The following DPYSL3 variants were observed in gnomAD, a reference collection of about 807,000 sequenced individuals.
DPYSL3 encodes dihydropyrimidinase-related protein 3.
In DPYSL3, 16 loss-of-function variants were observed where a neutral mutation model predicts 66.1. The observed-to-expected ratio is 0.24, with a 90% CI of 0.16 to 0.37. DPYSL3 has a LOEUF of 0.37. DPYSL3 is among the 10% of genes least tolerant of loss of function. DPYSL3 has a pLI of 1.00. For missense variants in DPYSL3, 738 were observed against 916.2 expected, an observed-to-expected ratio of 0.81 and a Z score of 2.51; for synonymous variants, 338 against 345.1, an observed-to-expected ratio of 0.98 and a Z score of 0.23.
At chr5:147,406,216 G>A (rs59174727) in intron 7 of DPYSL3, 3,073 of 152,512 alleles carry the variant, frequency 0.02, 100 homozygotes, top group African/African-American at 0.07. Flanking sequence ...CATTTCTTAC[G>A]AAAATAATTC....
chr5:147,496,505 C>G (rs1192593861), intron 1 of DPYSL3, among the ~76,000 whole-genome samples: 5 of 151,814 alleles, frequency 3.3e-5, no homozygotes, highest in Non-Finnish European at 7.4e-5. Context: ...ACTCATCTGA[C>G]AAAGGGCTAA....
chr5:147,474,380 C>G (rs372835368), intron 1 of DPYSL3, among the ~76,000 whole-genome samples: 1 of 152,020 alleles, frequency 6.6e-6, no homozygotes, highest in Non-Finnish European at 1.5e-5. Flanking sequence ...AATGATACTA[C>G]GCAGGCAGAA....
intron 1 of DPYSL3, among the ~76,000 whole-genome samples, chr5:147,496,680 C>T (rs1753517008): frequency 1.3e-5 from 2 of 152,102 alleles, no homozygotes; most frequent in Admixed American, 1.3e-4. Context: ...CAGAAAAATG[C>T]AAATCAAAAC....
intron 1 of DPYSL3, among the ~76,000 whole-genome samples, chr5:147,498,516 C>T (rs1327070362): frequency 4.6e-5 from 7 of 152,210 alleles, no homozygotes; most frequent in South Asian, 4.1e-4. Context: ...ATTGCCACAC[C>T]GTCTTCCACA....
intron 1 of DPYSL3, among the ~76,000 whole-genome samples, chr5:147,482,880 G>C (rs759911156): frequency 4.6e-5 from 7 of 152,166 alleles, no homozygotes; most frequent in Middle Eastern, 3.2e-3. Flanking sequence ...TGAAGAAGAA[G>C]CAATTACCTT....
intron 3 of DPYSL3, among the ~76,000 whole-genome samples, chr5:147,417,030 A>C (rs1296315224): frequency 6.6e-6 from 1 of 152,088 alleles, no homozygotes; most frequent in East Asian, 1.9e-4. Context: ...ATACAGCCAA[A>C]CTCTAACAGC....
chr5:147,414,671 G>A (rs1268890886), intron 4 of DPYSL3, among the ~76,000 whole-genome samples: 1 of 152,198 alleles, frequency 6.6e-6, no homozygotes, highest in African/African-American at 2.4e-5. Flanking sequence ...CGCCGGTTGA[G>A]ATGCCCAGTA....
chr5:147,508,713 C>A (rs965052599), intron 1 of DPYSL3, among the ~76,000 whole-genome samples: 3 of 152,192 alleles, frequency 2.0e-5, no homozygotes, highest in African/African-American at 7.2e-5. Context: ...CATTTAAGAG[C>A]AGCAGGGAAT....
intron 1 of DPYSL3, among the ~76,000 whole-genome samples, chr5:147,468,391 A>G (rs1004094626): frequency 6.6e-6 from 1 of 152,234 alleles, no homozygotes; most frequent in Non-Finnish European, 1.5e-5. Context: ...CTTTGTTTAG[A>G]AAGATAAGAG....
intron 1 of DPYSL3, among the ~76,000 whole-genome samples, chr5:147,506,275 G>T (rs972577813): frequency 6.6e-6 from 1 of 152,002 alleles, no homozygotes; most frequent in African/African-American, 2.4e-5. Context: ...ATTTTTTTGG[G>T]GGTGGTTTGT....
At chr5:147,457,180 A>G (rs1036809338) in intron 1 of DPYSL3, among the ~76,000 whole-genome samples, 2 of 152,190 alleles carry the variant, frequency 1.3e-5, no homozygotes, top group Non-Finnish European at 2.9e-5. Context: ...TCTTCTTATT[A>G]TATAATAATA....
intron 1 of DPYSL3, among the ~76,000 whole-genome samples, chr5:147,504,761 CAA>C (rs1033537255): frequency 5.3e-5 from 8 of 152,290 alleles, no homozygotes; most frequent in African/African-American, 1.7e-4. Context: ...ACATCTTGCA[CAA>C]AAGAGGCCCA....
At chr5:147,396,607 C>G (rs1399733833) in intron 12 of DPYSL3, among the ~76,000 whole-genome samples, 1 of 152,158 alleles carries the variant, frequency 6.6e-6, no homozygotes, top group Non-Finnish European at 1.5e-5. Flanking sequence ...CCGAGCCCAT[C>G]AAATGTGCAG....
intron 1 of DPYSL3, among the ~76,000 whole-genome samples, chr5:147,507,502 A>G (rs1318107730): frequency 6.6e-6 from 1 of 152,190 alleles, no homozygotes; most frequent in Non-Finnish European, 1.5e-5. Context: ...TCAAACATTT[A>G]TTGAGCACCT....
At chr5:147,487,084 T>C (rs953438413) in intron 1 of DPYSL3, among the ~76,000 whole-genome samples, 3 of 152,164 alleles carry the variant, frequency 2.0e-5, no homozygotes, top group Non-Finnish European at 4.4e-5. Flanking sequence ...CTTCAGGCTG[T>C]TTGCTACCTT....
intron 1 of DPYSL3, among the ~76,000 whole-genome samples, chr5:147,454,635 T>TG (rs1752812624): frequency 6.6e-6 from 1 of 152,228 alleles, no homozygotes. Flanking sequence ...GACACGTTCC[T>TG]GGTGCGCAGC....
intron 2 of DPYSL3, among the ~76,000 whole-genome samples, chr5:147,422,279 T>C (rs918254920): frequency 3.3e-5 from 5 of 152,068 alleles, no homozygotes; most frequent in African/African-American, 9.7e-5. Context: ...ACTAGAGAAA[T>C]GCAAATCAAA....
chr5:147,457,892 C>G (rs1752876037), intron 1 of DPYSL3, among the ~76,000 whole-genome samples: 1 of 152,202 alleles, frequency 6.6e-6, no homozygotes, highest in Non-Finnish European at 1.5e-5. Context: ...AGTCCAGTAG[C>G]TGGGTATATT....
chr5:147,460,976 T>C (rs1752922139), intron 1 of DPYSL3, among the ~76,000 whole-genome samples: 1 of 152,174 alleles, frequency 6.6e-6, no homozygotes, highest in South Asian at 2.1e-4. Flanking sequence ...AAGAAATTAT[T>C]TAGGCAGATA....
Sources: gnomAD v4.1 joint callset for allele counts (sites outside exome capture counted in the v4.1 genomes callset) on GRCh38, gnomAD v4.1.1 for gene constraint, MANE v1.5 for transcripts, NCBI Gene and HGNC (gene_info 2026-07-23, HGNC 2026-07-21) for gene names.